Variants in ADGRL2 observed in about 807,000 individuals in gnomAD.
The protein encoded by ADGRL2 is calcium-independent alpha-latrotoxin receptor 2.
In ADGRL2, 44 loss-of-function variants were observed where a neutral mutation model predicts 157.4. That is an observed-to-expected ratio of 0.28 (90% CI 0.22 to 0.36). ADGRL2 has a LOEUF of 0.36. Among genes scored for constraint, ADGRL2 ranks in the 10% least tolerant of loss-of-function variants. ADGRL2 has a pLI of 1.00. For synonymous variants in ADGRL2, 585 were observed against 624.7 expected, an observed-to-expected ratio of 0.94 and a Z score of 0.95; for missense variants, 1,510 against 1,768.9, an observed-to-expected ratio of 0.85 and a Z score of 2.63.
intron 2 of ADGRL2, among the ~76,000 whole-genome samples, chr1:81,448,220 C>A (rs1015320580): frequency 1.4e-5 from 2 of 139,184 alleles, no homozygotes; most frequent in African/African-American, 2.7e-5. Flanking sequence ...TCTCGGCACA[C>A]TGCAATCTCT....
At chr1:81,915,796 A>G (rs1322129550) in intron 3 of ADGRL2, among the ~76,000 whole-genome samples, 2 of 152,224 alleles carry the variant, frequency 1.3e-5, no homozygotes, top group Non-Finnish European at 2.9e-5. Flanking sequence ...ATCAAAATCA[A>G]TAGACGTGAA....
At chr1:81,817,275 AT>A (rs67010910) in intron 1 of ADGRL2, among the ~76,000 whole-genome samples, 11,816 of 144,616 alleles carry the variant, frequency 0.082, 525 homozygotes, top group South Asian at 0.19. Flanking sequence ...CTTCCGTCCC[AT>A]TTTTTTTTTT....
At chr1:81,371,465 T>A (rs1453991599) in intron 1 of ADGRL2, among the ~76,000 whole-genome samples, 1 of 152,208 alleles carries the variant, frequency 6.6e-6, no homozygotes. Flanking sequence ...CCACTAAAAA[T>A]CTTACACGTT....
chr1:81,375,797 A>G (rs2076238541), intron 1 of ADGRL2, among the ~76,000 whole-genome samples: 1 of 152,140 alleles, frequency 6.6e-6, no homozygotes, highest in Non-Finnish European at 1.5e-5. Flanking sequence ...TTCAAGCTAT[A>G]ATATAGCAGT....
In ADGRL2 at chr1:81,356,070, T is replaced by C. The variant is rs188273822; in HGVS notation, c.-302+49561T>C. On this transcript the variant is annotated intron_variant, in intron 1 of 24. Transcript: ENST00000370721. ...ATTGACATGAAATTACCCTATCGGG[T>C]AATGATTTGCCAGTGGGAAGAGATA... Among the ~76,000 whole-genome samples, 11 of 152,286 alleles carry C rather than the reference T, an allele frequency of 7.2e-5. No individual in the cohort carries two copies. The East Asian group carries it at 2.1e-3, about 29-fold the overall frequency.
intron 2 of ADGRL2, among the ~76,000 whole-genome samples, chr1:81,571,381 GTA>G (rs891812494): frequency 3.4e-5 from 5 of 145,772 alleles, no homozygotes; most frequent in Non-Finnish European, 7.5e-5. Context: ...TTGTATATAT[GTA>G]TATATATGTG....
chr1:81,948,852 G>A (rs1037104369), intron 6 of ADGRL2, among the ~76,000 whole-genome samples: 1 of 152,100 alleles, frequency 6.6e-6, no homozygotes. Context: ...GGAATAAAAC[G>A]TGTATAGTGT....
chr1:81,413,104 A>T (rs1245856716), intron 1 of ADGRL2, among the ~76,000 whole-genome samples: 1 of 152,108 alleles, frequency 6.6e-6, no homozygotes, highest in Non-Finnish European at 1.5e-5. Context: ...TTACCTTCGA[A>T]TTACCAGGAA....
chr1:81,779,241 G>A (rs1195505536), intron 2 of ADGRL2, among the ~76,000 whole-genome samples: 6 of 152,126 alleles, frequency 3.9e-5, no homozygotes, highest in Non-Finnish European at 7.3e-5. Flanking sequence ...ATGGCAATCA[G>A]TGATGGGAAG....
intron 3 of ADGRL2, among the ~76,000 whole-genome samples, chr1:81,632,121 G>A (rs1227237768): frequency 6.6e-6 from 1 of 152,122 alleles, no homozygotes; most frequent in Non-Finnish European, 1.5e-5. Flanking sequence ...CAATGTAATA[G>A]AATCTGGGGA....
chr1:81,771,479 A>G (rs913991643), intron 2 of ADGRL2, among the ~76,000 whole-genome samples: 2 of 152,158 alleles, frequency 1.3e-5, no homozygotes, highest in Non-Finnish European at 2.9e-5. Context: ...CCTTATCTAC[A>G]AATAAATGCA....
intron 3 of ADGRL2, among the ~76,000 whole-genome samples, chr1:81,681,478 A>G (rs2083112118): frequency 1.3e-5 from 2 of 152,200 alleles, no homozygotes; most frequent in Admixed American, 6.5e-5. Context: ...TGTATTTCCT[A>G]TCGGATGTAT....
At chr1:81,397,831 T>G (rs558336770) in intron 1 of ADGRL2, among the ~76,000 whole-genome samples, 86 of 152,322 alleles carry the variant, frequency 5.6e-4, no homozygotes, top group African/African-American at 2.0e-3. Context: ...ATTAGGTACA[T>G]TTGGTGTAAA....
chr1:81,513,874 C>T (rs890534323), intron 2 of ADGRL2: 3 of 152,164 alleles, frequency 2.0e-5, no homozygotes, highest in South Asian at 4.1e-4. Flanking sequence ...CAGAGAACCA[C>T]AGCAATGGGG....
At chr1:81,778,919 G>C (rs2086704084) in intron 2 of ADGRL2, among the ~76,000 whole-genome samples, 1 of 152,158 alleles carries the variant, frequency 6.6e-6, no homozygotes, top group Admixed American at 6.5e-5. Context: ...CAACCAAATA[G>C]TAACATATGT....
chr1:81,628,947 C>G (rs570383551), intron 3 of ADGRL2, among the ~76,000 whole-genome samples: 1 of 152,148 alleles, frequency 6.6e-6, no homozygotes, highest in Non-Finnish European at 1.5e-5. Flanking sequence ...AAAGCTCTTA[C>G]ATTTAGAGGA....
intron 3 of ADGRL2, among the ~76,000 whole-genome samples, chr1:81,936,172 GT>G (rs1408038787): frequency 7.2e-5 from 11 of 151,860 alleles, no homozygotes; most frequent in African/African-American, 2.7e-4. Context: ...TACTAGCTTA[GT>G]TTCTGGTATT....
chr1:81,551,359 G>C (rs2080141559), intron 2 of ADGRL2, among the ~76,000 whole-genome samples: 2 of 152,100 alleles, frequency 1.3e-5, no homozygotes, highest in Non-Finnish European at 2.9e-5. Flanking sequence ...GTGTCACCTT[G>C]AGTCCCCAAG....
chr1:81,984,629 G>A lies in ADGRL2; in HGVS notation c.3329G>A (p.Gly1110Glu), dbSNP rs1302013318. ...GKCFRHSYCC[G>E]GLPTESPHSS... is the part of the protein sequence containing the mutation. Reference sequence around the variant, plus strand: ...TGCTTCAGACACTCATACTGCTGTGGAGGCCTCCCAACTGAGAGTCCCCAC... The same window carrying A: ...TGCTTCAGACACTCATACTGCTGTGAAGGCCTCCCAACTGAGAGTCCCCAC... Residue 1110 changes from glycine (G) to glutamate (E), a missense_variant, in exon 20 of 24, where the codon GGA becomes GAA. Transcript: ENST00000686636. 6 of 1,612,772 alleles carry A rather than the reference G, an allele frequency of 3.7e-6. No homozygotes were observed. Among genetic ancestry groups the A allele is most frequent in the Non-Finnish European group, 5.1e-6 (6 of 1,179,146 alleles).
Sources: gnomAD v4.1 joint callset for allele counts (sites outside exome capture counted in the v4.1 genomes callset) on GRCh38, gnomAD v4.1.1 for gene constraint, MANE v1.5 for transcripts, NCBI Gene and HGNC (gene_info 2026-07-23, HGNC 2026-07-21) for gene names.